WWOX: variants seen among roughly 807,000 people sequenced by gnomAD.
WWOX encodes WW domain containing oxidoreductase.
Under a neutral mutation model 46.2 loss-of-function variants are expected in WWOX, and 69 were observed. That is an observed-to-expected ratio of 1.49 (90% CI 1.23 to 1.82). WWOX has a LOEUF of 1.82. Among genes scored for constraint, WWOX ranks in the 40% most tolerant of loss-of-function variants. The pLI is 0.00. For synonymous variants in WWOX, 359 were observed against 202.6 expected (o/e 1.77, Z -6.56); for missense variants, 919 against 542.6 (o/e 1.69, Z -6.89).
At chr16:78,136,084 T>C (rs955267239) in intron 4 of WWOX, among the ~76,000 whole-genome samples, 1 of 152,192 alleles carries the variant, frequency 6.6e-6, no homozygotes, top group Non-Finnish European at 1.5e-5. Flanking sequence ...TTATTACTTC[T>C]ATAATGAGTA....
intron 8 of WWOX, chr16:78,535,660 A>G (rs952389070): frequency 2.0e-5 from 3 of 152,152 alleles, no homozygotes; most frequent in Admixed American, 6.5e-5. Flanking sequence ...AGTTTAAACA[A>G]TCTCTTCCCT....
At chr16:78,874,978 A>G (rs776993176) in intron 8 of WWOX, among the ~76,000 whole-genome samples, 7 of 152,160 alleles carry the variant, frequency 4.6e-5, no homozygotes, top group Non-Finnish European at 8.8e-5. Flanking sequence ...CACGTTGCAT[A>G]CATGCCTTTG....
chr16:78,612,796 A>G lies in WWOX; in HGVS notation c.1056+180044A>G, dbSNP rs117536545. Among the ~76,000 whole-genome samples the G allele has an allele frequency of 4.4e-3, 663 of 152,274 alleles. 19 individuals are homozygous for G. The East Asian group carries it at 0.058, about 13-fold the overall frequency. ...CCAGCCCATGTTAATTTTTTCACCTACAAAATGAAGGCTACAATATTTACT... is the reference window on the plus strand; with the variant it reads ...CCAGCCCATGTTAATTTTTTCACCTGCAAAATGAAGGCTACAATATTTACT... On this transcript the variant is annotated intron_variant, in intron 8 of 8. Coordinates refer to ENST00000566780, the MANE Select transcript of WWOX (RefSeq NM_016373.4).
intron 8 of WWOX, among the ~76,000 whole-genome samples, chr16:79,156,938 A>C (rs147286331): frequency 6.6e-6 from 1 of 152,362 alleles, no homozygotes; most frequent in Non-Finnish European, 1.5e-5. Flanking sequence ...TATGTGAATT[A>C]TCATCAGAAG....
At chr16:78,889,062 A>G (rs1009514538) in intron 8 of WWOX, among the ~76,000 whole-genome samples, 1 of 152,026 alleles carries the variant, frequency 6.6e-6, no homozygotes, top group Non-Finnish European at 1.5e-5. Context: ...TTTTACAAGA[A>G]GATGTCTCTC....
At chr16:78,288,622 G>T (rs965711892) in intron 5 of WWOX, among the ~76,000 whole-genome samples, 37 of 152,258 alleles carry the variant, frequency 2.4e-4, no homozygotes, top group South Asian at 4.1e-4. Context: ...TTTTAGAAGA[G>T]CCTGATACAT....
At chr16:78,722,177 C>T (rs1231173896) in intron 8 of WWOX, among the ~76,000 whole-genome samples, 1 of 152,172 alleles carries the variant, frequency 6.6e-6, no homozygotes, top group African/African-American at 2.4e-5. Flanking sequence ...CCTGTCTGTC[C>T]AGTAGAGGAC....
intron 8 of WWOX, among the ~76,000 whole-genome samples, chr16:78,450,756 T>G (rs1034451555): frequency 1.3e-5 from 2 of 152,176 alleles, no homozygotes; most frequent in African/African-American, 4.8e-5. Flanking sequence ...TCTATAAATA[T>G]AAAAGAGCAA....
At chr16:79,186,477 C>G (rs1239274614) in intron 8 of WWOX, among the ~76,000 whole-genome samples, 1 of 152,232 alleles carries the variant, frequency 6.6e-6, no homozygotes, top group East Asian at 1.9e-4. Flanking sequence ...GTTTCTGGAT[C>G]TCTTCTCCTT....
At chr16:78,389,022 C>T (rs1350517699) in intron 6 of WWOX, among the ~76,000 whole-genome samples, 1 of 151,988 alleles carries the variant, frequency 6.6e-6, no homozygotes, top group Non-Finnish European at 1.5e-5. Context: ...GTCAGTGTCC[C>T]AAGTCACTGA....
chr16:78,768,706 AATTGCC>A (rs756981950), intron 8 of WWOX, among the ~76,000 whole-genome samples: 7 of 152,044 alleles, frequency 4.6e-5, no homozygotes, highest in Non-Finnish European at 8.8e-5. Flanking sequence ...TTGTCACTCT[AATTGCC>A]CAGCGTTTTA....
intron 8 of WWOX, among the ~76,000 whole-genome samples, chr16:79,088,729 T>C (rs1597364051): frequency 6.6e-6 from 1 of 152,154 alleles, no homozygotes; most frequent in Non-Finnish European, 1.5e-5. Flanking sequence ...ATAATACTTA[T>C]TAATTACCAC....
intron 8 of WWOX, among the ~76,000 whole-genome samples, chr16:78,805,830 C>T (rs1390649354): frequency 6.6e-6 from 1 of 152,166 alleles, no homozygotes; most frequent in East Asian, 1.9e-4. Flanking sequence ...CTGTCAAGGA[C>T]AGTGCCAAGA....
chr16:78,637,523 A>G (rs565900928), intron 8 of WWOX, among the ~76,000 whole-genome samples: 3 of 152,216 alleles, frequency 2.0e-5, no homozygotes, highest in East Asian at 3.9e-4. Flanking sequence ...ACAGTGATGT[A>G]ACTCATCAGT....
At chr16:79,091,595 C>G (rs2048961269) in intron 8 of WWOX, among the ~76,000 whole-genome samples, 1 of 152,062 alleles carries the variant, frequency 6.6e-6, no homozygotes. Context: ...TCTGGGGGAA[C>G]TGTGCCCTTT....
chr16:78,773,840 G>A (rs542944975), intron 8 of WWOX, among the ~76,000 whole-genome samples: 2 of 152,312 alleles, frequency 1.3e-5, no homozygotes, highest in South Asian at 2.1e-4. Context: ...GAGCTTGGCT[G>A]CAAAACGATT....
chr16:78,353,377 A>G (rs999871231), intron 5 of WWOX, among the ~76,000 whole-genome samples: 3 of 152,210 alleles, frequency 2.0e-5, no homozygotes, highest in Non-Finnish European at 4.4e-5. Flanking sequence ...TGGGCTGAAG[A>G]GTTACCTGTG....
chr16:79,038,878 C>T (rs1349727234), intron 8 of WWOX, among the ~76,000 whole-genome samples: 1 of 152,134 alleles, frequency 6.6e-6, no homozygotes, highest in Non-Finnish European at 1.5e-5. Context: ...CAGAAAAATA[C>T]ATTTTTTAAA....
At chr16:78,376,743 C>T (rs1010578627) in intron 5 of WWOX, among the ~76,000 whole-genome samples, 3 of 152,160 alleles carry the variant, frequency 2.0e-5, no homozygotes, top group African/African-American at 7.2e-5. Context: ...TAGACATTAG[C>T]AGATGTCTGC....
Sources: allele counts gnomAD v4.1 joint callset (sites outside exome capture counted in the v4.1 genomes callset), GRCh38; gene constraint gnomAD v4.1.1; transcripts MANE v1.5; gene names NCBI Gene and HGNC (gene_info 2026-07-23, HGNC 2026-07-21).